CREB5: variants seen among roughly 807,000 people sequenced by gnomAD.
The protein encoded by CREB5 is cyclic AMP-responsive element-binding protein 5.
Under a neutral mutation model 57.1 loss-of-function variants are expected in CREB5, and 19 were observed. The ratio of observed to expected loss-of-function variants is 0.33; its 90% CI spans 0.23 to 0.49. CREB5 has a LOEUF of 0.49. Among genes scored for constraint, CREB5 ranks in the 20% least tolerant of loss-of-function variants. CREB5 has a pLI of 0.99. For missense variants in CREB5, 579 were observed against 671.6 expected, an observed-to-expected ratio of 0.86 and a Z score of 1.52; for synonymous variants, 238 against 238.3, an observed-to-expected ratio of 1.00 and a Z score of 0.01.
intron 1 of CREB5, among the ~76,000 whole-genome samples, chr7:28,482,429 C>T (rs367832469): frequency 1.3e-5 from 2 of 152,280 alleles, no homozygotes; most frequent in South Asian, 4.1e-4. Context: ...TGGCCATGGC[C>T]TTAACTAATA....
At chr7:28,466,302 G>A (rs2128579202) in intron 1 of CREB5, among the ~76,000 whole-genome samples, 1 of 146,922 alleles carries the variant, frequency 6.8e-6, no homozygotes, top group Admixed American at 6.8e-5. Flanking sequence ...CCAAGATAAT[G>A]TCCTATCTCT....
At chr7:28,698,981 T>C (rs1317968274) in intron 5 of CREB5, among the ~76,000 whole-genome samples, 1 of 152,194 alleles carries the variant, frequency 6.6e-6, no homozygotes, top group African/African-American at 2.4e-5. Context: ...ATTTTTCATA[T>C]GCAAAAGCAC....
At chr7:28,679,696 C>T (rs1374920591) in intron 5 of CREB5, among the ~76,000 whole-genome samples, 1 of 152,158 alleles carries the variant, frequency 6.6e-6, no homozygotes, top group Non-Finnish European at 1.5e-5. Flanking sequence ...TCTCCTGATT[C>T]CAGGGCCGGT....
chr7:28,311,075 C>T (rs1210592889), intron 1 of CREB5, among the ~76,000 whole-genome samples: 2 of 138,706 alleles, frequency 1.4e-5, no homozygotes, highest in African/African-American at 2.6e-5. Flanking sequence ...AGGTGGATCA[C>T]GAGGGTCAGG....
intron 5 of CREB5, among the ~76,000 whole-genome samples, chr7:28,689,363 G>A (rs1801122250): frequency 6.6e-6 from 1 of 152,096 alleles, no homozygotes; most frequent in Non-Finnish European, 1.5e-5. Context: ...AGCTACTCAG[G>A]AGGCTGAGGC....
chr7:28,707,316 C>T (rs1427491940), intron 5 of CREB5, among the ~76,000 whole-genome samples: 2 of 152,204 alleles, frequency 1.3e-5, no homozygotes. Flanking sequence ...GCTAAGCACA[C>T]TCAAAATATT....
At chr7:28,447,758 T>C (rs1370900795) in intron 1 of CREB5, among the ~76,000 whole-genome samples, 4 of 152,198 alleles carry the variant, frequency 2.6e-5, no homozygotes, top group Non-Finnish European at 5.9e-5. Context: ...TGGCTTCTGA[T>C]GACACAACTG....
intron 7 of CREB5, among the ~76,000 whole-genome samples, chr7:28,788,189 C>T (rs1807448533): frequency 6.6e-6 from 1 of 152,082 alleles, no homozygotes; most frequent in Non-Finnish European, 1.5e-5. Context: ...CTGTCCGGTA[C>T]ATTGTAGAAT....
chr7:28,571,647 T>C (rs1057418402), intron 5 of CREB5, among the ~76,000 whole-genome samples: 2 of 152,178 alleles, frequency 1.3e-5, no homozygotes, highest in African/African-American at 4.8e-5. Context: ...GTGCCAAGTG[T>C]GGTCTGAGGA....
At chr7:28,445,768 A>C (rs10244345) in intron 1 of CREB5, among the ~76,000 whole-genome samples, 3 of 151,020 alleles carry the variant, frequency 2.0e-5, no homozygotes, top group East Asian at 2.0e-4. Flanking sequence ...AGCCAGGATG[A>C]TCTCGATCTT....
intron 1 of CREB5, among the ~76,000 whole-genome samples, chr7:28,329,888 A>T (rs10262946): frequency 0.046 from 6,956 of 152,272 alleles, 518 homozygotes; most frequent in African/African-American, 0.16. Context: ...CAAACCAAAC[A>T]ATTCCAATAA....
intron 1 of CREB5, among the ~76,000 whole-genome samples, chr7:28,450,653 T>G (rs558599903): frequency 4.6e-5 from 7 of 152,218 alleles, no homozygotes; most frequent in South Asian, 2.1e-4. Flanking sequence ...TTTCACCCCC[T>G]GCTCTCTGTC....
intron 1 of CREB5, among the ~76,000 whole-genome samples, chr7:28,321,320 T>G (rs902568094): frequency 1.3e-5 from 2 of 152,080 alleles, no homozygotes; most frequent in Non-Finnish European, 1.5e-5. Context: ...TGATTGTACA[T>G]GCGAAATGGC....
intron 4 of CREB5, among the ~76,000 whole-genome samples, chr7:28,512,657 G>A (rs911939467): frequency 1.1e-4 from 14 of 132,784 alleles, no homozygotes; most frequent in Non-Finnish European, 1.9e-4. Context: ...CTGTGTGTGT[G>A]TGTGTGTGTG....
chr7:28,557,062 C>CAA (rs1794908844), intron 4 of CREB5, among the ~76,000 whole-genome samples: 1 of 142,336 alleles, frequency 7.0e-6, no homozygotes, highest in South Asian at 2.2e-4. Context: ...GGCCCCAGGG[C>CAA]TTTCCTACAA....
chr7:28,608,578 C>G (rs1470733789), intron 5 of CREB5, among the ~76,000 whole-genome samples: 4 of 152,130 alleles, frequency 2.6e-5, no homozygotes. Flanking sequence ...CCACCCTCCT[C>G]CCAATCTCCC....
At chr7:28,694,822 T>C (rs1309467973) in intron 5 of CREB5, among the ~76,000 whole-genome samples, 2 of 152,190 alleles carry the variant, frequency 1.3e-5, no homozygotes, top group Admixed American at 1.3e-4. Flanking sequence ...GCCAGGGTTA[T>C]AGGCGTGAGC....
chr7:28,767,742 A>C (rs1327393130), intron 7 of CREB5, among the ~76,000 whole-genome samples: 1 of 152,254 alleles, frequency 6.6e-6, no homozygotes, highest in Admixed American at 6.5e-5. Context: ...GTTGCATCGC[A>C]TCTGTATCCA....
chr7:28,708,717 T>A (rs924834824), intron 5 of CREB5, among the ~76,000 whole-genome samples: 15 of 152,192 alleles, frequency 9.9e-5, no homozygotes, highest in Non-Finnish European at 2.9e-5. Flanking sequence ...TAGGTGTGGA[T>A]TCCACCACAG....
Sources: gnomAD v4.1 joint callset for allele counts (sites outside exome capture counted in the v4.1 genomes callset) on GRCh38, gnomAD v4.1.1 for gene constraint, MANE v1.5 for transcripts, NCBI Gene and HGNC (gene_info 2026-07-23, HGNC 2026-07-21) for gene names.